The following MTMR3 variants were observed in gnomAD, a reference collection of about 807,000 sequenced individuals.
The protein encoded by MTMR3 is myotubularin related protein 3.
In MTMR3, 32 loss-of-function variants were observed where a neutral mutation model predicts 132.4. The ratio of observed to expected loss-of-function variants is 0.24; its 90% CI spans 0.18 to 0.32. The LOEUF (loss-of-function observed/expected upper bound fraction) is 0.32, where lower values mean the gene tolerates loss of function less well. Ranked by LOEUF, MTMR3 falls within the 10% of genes least tolerant of loss-of-function variation. The pLI, the probability that MTMR3 is intolerant of heterozygous loss-of-function variation, is 1.00. For synonymous variants in MTMR3, 556 were observed against 550.3 expected (o/e 1.01, Z -0.14); for missense variants, 1,216 against 1,489.6 (o/e 0.82, Z 3.02).
intron 2 of MTMR3, among the ~76,000 whole-genome samples, chr22:29,962,897 TTCTC>T (rs1229582957): frequency 1.3e-5 from 2 of 150,438 alleles, no homozygotes; most frequent in South Asian, 2.1e-4. Context: ...CTTCATTCCT[TTCTC>T]TCTTTTTTCT....
intron 6 of MTMR3, chr22:29,990,737 C>T (rs1427958957): frequency 6.6e-6 from 1 of 152,128 alleles, no homozygotes; most frequent in Non-Finnish European, 1.5e-5. Flanking sequence ...CACGCCACCA[C>T]ACCTGGCTAA....
chr22:29,893,302 T>A (rs2064833136), intron 1 of MTMR3, among the ~76,000 whole-genome samples: 1 of 152,208 alleles, frequency 6.6e-6, no homozygotes, highest in Admixed American at 6.5e-5. Flanking sequence ...ACTTTCATGG[T>A]GACAAAAAAA....
At chr22:29,913,398 C>T (rs918103737) in intron 1 of MTMR3, among the ~76,000 whole-genome samples, 1 of 152,192 alleles carries the variant, frequency 6.6e-6, no homozygotes, top group African/African-American at 2.4e-5. Context: ...ATTAACTTCT[C>T]AGAGCCTTCT....
chr22:30,003,443 GAGA>G (rs61325365), intron 9 of MTMR3: 6,381 of 152,808 alleles, frequency 0.042, 447 homozygotes, highest in African/African-American at 0.15. Context: ...GAAGCATTTA[GAGA>G]AGAAGACTGA....
rs781426299 is a variant in MTMR3 at position 30,012,334 on chromosome 22, A to G, written c.1122-34A>G. 47 of 1,592,388 alleles carry G rather than the reference A, an allele frequency of 3.0e-5. No homozygotes were observed. The South Asian group carries it at 4.1e-4, about 14-fold the overall frequency. On this transcript the variant is annotated intron_variant, in intron 12 of 19. Transcript: ENST00000401950. ...GCATGATGCAGTAAATCATAAAAAA[A>G]TCAGCATTTTCTAATCCTCTCCTGT...
In MTMR3 at chr22:30,020,356, G is replaced by T. The variant is rs757128342; in HGVS notation, c.2697G>T (p.Val899=). The part of the protein sequence containing the change: ...LVERPQVGSV[V]HRTSLGSTLS... ...AGAGGCCCCAAGTGGGGTCTGTGGTGCATAGGACTTCCCTTGGCAGCACTC... is the reference window on the plus strand; with the variant it reads ...AGAGGCCCCAAGTGGGGTCTGTGGTTCATAGGACTTCCCTTGGCAGCACTC... Residue 899 remains valine, a synonymous_variant, in exon 17 of 20, where the codon GTG becomes GTT. Transcript: ENST00000401950. 1 of 1,614,202 alleles carries T rather than the reference G, an allele frequency of 6.2e-7. No individual in the cohort carries two copies. Among genetic ancestry groups the T allele is most frequent in the East Asian group, 2.2e-5 (1 of 44,878 alleles).
Position 29,895,162 on chromosome 22 carries a change from C to T in MTMR3, c.-138+11803C>T, listed in dbSNP as rs1336349963. 3.3e-5 allele frequency among the ~76,000 whole-genome samples: 5 copies of T among 152,020 alleles called. No individual in the cohort carries two copies. The East Asian group carries it at 5.8e-4, about 18-fold the overall frequency. On this transcript the variant is annotated intron_variant, in intron 1 of 19. Coordinates refer to ENST00000401950, the MANE Select transcript of MTMR3 (RefSeq NM_021090.4). Reference sequence around the variant, plus strand: ...GGTGGAGGTTGCAGTGAGCTGAGATCGTGCCACTGCACTCCAGCCTGGTTG... The same window carrying T: ...GGTGGAGGTTGCAGTGAGCTGAGATTGTGCCACTGCACTCCAGCCTGGTTG...
Position 30,014,414 on chromosome 22 carries a change from C to T in MTMR3, c.1503+873C>T, listed in dbSNP as rs563219798. ...CCTTCTAGTACTTCCTTGCAGTTGA[C>T]TTCTAGTACTTCCTTGCTGTTAGTT... On this transcript the variant is annotated intron_variant, in intron 14 of 19. Coordinates refer to ENST00000401950, the MANE Select transcript of MTMR3 (RefSeq NM_021090.4). 3 of 151,988 alleles carry T rather than the reference C, an allele frequency of 2.0e-5. No homozygotes were observed. In the East Asian group the frequency reaches 5.8e-4, roughly 29 times the overall value. 9.4% of individuals were successfully genotyped at this position (151,988 alleles called of 1,614,324 possible). A position where few individuals can be genotyped will look rare whatever the true frequency, so the allele number is the denominator to read the frequency against.
chr22:29,949,506 C>CT (rs1190855958), intron 1 of MTMR3, among the ~76,000 whole-genome samples: 3 of 147,098 alleles, frequency 2.0e-5, no homozygotes, highest in African/African-American at 5.2e-5. Context: ...CCGCGCCCCC[C>CT]CCCAAAAAAA....
chr22:29,930,036 G>C (rs953716808), intron 1 of MTMR3, among the ~76,000 whole-genome samples: 2 of 152,136 alleles, frequency 1.3e-5, no homozygotes, highest in East Asian at 3.9e-4. Flanking sequence ...TTGTCTTTCA[G>C]TTGAATCAGT....
At chr22:29,889,907 C>CTTTTT (rs11399020) in intron 1 of MTMR3, among the ~76,000 whole-genome samples, 5 of 124,912 alleles carry the variant, frequency 4.0e-5, no homozygotes, top group Admixed American at 8.7e-5. Flanking sequence ...AGGATAAATT[C>CTTTTT]TTTTTTTTTT....
chr22:29,901,011 T>C (rs2064993771), intron 1 of MTMR3, among the ~76,000 whole-genome samples: 1 of 152,194 alleles, frequency 6.6e-6, no homozygotes, highest in South Asian at 2.1e-4. Context: ...TTTTTTGTTA[T>C]ACTGCCTAGT....
At chr22:29,908,592 C>T (rs1337704442) in intron 1 of MTMR3, among the ~76,000 whole-genome samples, 1 of 152,166 alleles carries the variant, frequency 6.6e-6, no homozygotes, top group Non-Finnish European at 1.5e-5. Flanking sequence ...ATCAGTACCA[C>T]AAATTGATTG....
At position 30,020,770 on chromosome 22, in the gene MTMR3, C is replaced by T. The variant is rs1472384850; in HGVS notation, c.3111C>T (p.Gly1037=). 1.2e-6 allele frequency: 2 copies of T among 1,614,028 alleles called. No homozygotes were observed. The highest frequency in any genetic ancestry group is 1.3e-5 in the African/African-American group (1 of 74,928). The change falls in exon 17 of 20, where the codon GGC becomes GGT. Residue 1037 remains glycine (G), a synonymous_variant. Coordinates refer to ENST00000401950, the MANE Select transcript of MTMR3 (RefSeq NM_021090.4). ...IQQRLRQIES[G]HQQEVETLKK... ...AGCGCCTGCGTCAGATTGAGTCAGG[C>T]CACCAGCAGGAAGTAGAAACTTTGA...
chr22:29,961,497 T>C (rs1208147145), intron 2 of MTMR3, among the ~76,000 whole-genome samples: 1 of 152,146 alleles, frequency 6.6e-6, no homozygotes, highest in Non-Finnish European at 1.5e-5. Context: ...GGGTAGATAA[T>C]GTGTGTCTTT....
chr22:30,026,156 G>T lies in MTMR3; in HGVS notation c.*355G>T. ...GATGGCTTGTTTCTTCCGGGTGGGA[G>T]GATGGTGGTCAGAGCCAGGAGTATG... On this transcript the variant is annotated 3_prime_UTR_variant, in exon 20 of 20. Coordinates refer to ENST00000401950, the MANE Select transcript of MTMR3 (RefSeq NM_021090.4). 4.1e-6 allele frequency: 1 copy of T among 241,438 alleles called. No individual in the cohort carries two copies. Among genetic ancestry groups the T allele is most frequent in the Non-Finnish European group, 8.1e-6 (1 of 122,700 alleles). 15.0% of individuals were successfully genotyped at this position (241,438 alleles called of 1,614,324 possible).
intron 1 of MTMR3, among the ~76,000 whole-genome samples, chr22:29,915,921 C>G (rs1347123270): frequency 6.6e-6 from 1 of 152,028 alleles, no homozygotes; most frequent in Non-Finnish European, 1.5e-5. Flanking sequence ...CTTATTTGTT[C>G]TATTTTTCTC....
intron 1 of MTMR3, among the ~76,000 whole-genome samples, chr22:29,908,800 A>T (rs2065149825): frequency 6.6e-6 from 1 of 152,162 alleles, no homozygotes; most frequent in Non-Finnish European, 1.5e-5. Flanking sequence ...AACATGGTAA[A>T]ATTATGAAGG....
intron 1 of MTMR3, among the ~76,000 whole-genome samples, chr22:29,895,801 G>A (rs774463740): frequency 1.3e-5 from 2 of 152,104 alleles, no homozygotes; most frequent in African/African-American, 2.4e-5. Context: ...ACTTTTTGGT[G>A]CAAGTTCGGC....
Sources: allele counts gnomAD v4.1 joint callset (sites outside exome capture counted in the v4.1 genomes callset), GRCh38; gene constraint gnomAD v4.1.1; transcripts MANE v1.5; gene names NCBI Gene and HGNC (gene_info 2026-07-23, HGNC 2026-07-21).